Variants in LEPROTL1 observed in about 807,000 individuals in gnomAD.
LEPROTL1 encodes the protein leptin receptor overlapping transcript-like 1.
Under a neutral mutation model 15.4 loss-of-function variants are expected in LEPROTL1, and 6 were observed. The observed-to-expected ratio is 0.39, with a 90% CI of 0.21 to 0.77. The LOEUF is 0.77. Ranked by LOEUF, LEPROTL1 falls within the 30% of genes least tolerant of loss-of-function variation. The pLI, the probability that LEPROTL1 is intolerant of heterozygous loss-of-function variation, is 0.41. For missense variants in LEPROTL1, 128 were observed against 158.1 expected (o/e 0.81, Z 1.02); for synonymous variants, 56 against 52.6 (o/e 1.06, Z -0.28).
At chr8:30,136,007 T>G (rs754065211) in intron 4 of LEPROTL1, among the ~76,000 whole-genome samples, 9 of 152,000 alleles carry the variant, frequency 5.9e-5, no homozygotes, top group Non-Finnish European at 1.2e-4. Context: ...TTCTAACTGC[T>G]GCTGTTTCTA....
chr8:30,125,485 G>A (rs940304881), intron 3 of LEPROTL1, among the ~76,000 whole-genome samples: 1 of 152,178 alleles, frequency 6.6e-6, no homozygotes, highest in Non-Finnish European at 1.5e-5. Flanking sequence ...AGAACCTTGA[G>A]CACTCAGCAG....
intron 3 of LEPROTL1, among the ~76,000 whole-genome samples, chr8:30,120,483 AT>A (rs33917700): frequency 0.88 from 133,556 of 152,104 alleles, 59,773 homozygotes; most frequent in East Asian, 1. Flanking sequence ...ATATGTATAT[AT>A]TTTTTTAACT....
chr8:30,119,822 A>G (rs954442725), intron 3 of LEPROTL1, among the ~76,000 whole-genome samples: 8 of 152,152 alleles, frequency 5.3e-5, no homozygotes, highest in African/African-American at 1.7e-4. Flanking sequence ...TAATCCCAGC[A>G]CTTTGGGAGG....
chr8:30,117,802 A>G (rs16876504), intron 3 of LEPROTL1: 66,186 of 711,408 alleles, frequency 0.093, 3,673 homozygotes, highest in East Asian at 0.23. Context: ...GAAAGATGGC[A>G]GGAGGAGCAG....
exon 4 of LEPROTL1, chr8:30,132,458 G>A: frequency 6.4e-7 from 1 of 1,551,752 alleles, no homozygotes; most frequent in East Asian, 2.4e-5. Flanking sequence ...GCGTGGAGGA[G>A]GGAGTCGTCC....
intron 1 of LEPROTL1, among the ~76,000 whole-genome samples, chr8:30,098,519 G>A (rs886785068): frequency 6.6e-5 from 10 of 152,112 alleles, no homozygotes; most frequent in Non-Finnish European, 7.4e-5. Context: ...TCTAAGTTGC[G>A]TATAAATGGC....
intron 2 of LEPROTL1, among the ~76,000 whole-genome samples, chr8:30,103,939 C>T (rs779616285): frequency 2.8e-4 from 42 of 152,106 alleles, no homozygotes; most frequent in Admixed American, 6.6e-4. Context: ...CCTGTACCCT[C>T]CACACAGCCT....
intron 4 of LEPROTL1, chr8:30,132,816 T>C: frequency 6.4e-7 from 1 of 1,551,774 alleles, no homozygotes. Context: ...AGCCTCCAGA[T>C]GCTGCCTTCA....
At chr8:30,114,687 G>A (rs904744904) in intron 3 of LEPROTL1, among the ~76,000 whole-genome samples, 5 of 152,206 alleles carry the variant, frequency 3.3e-5, no homozygotes, top group African/African-American at 1.2e-4. Flanking sequence ...GATGGGCTCA[G>A]TTATGCTTCA....
At chr8:30,137,241 C>T in intron 4 of LEPROTL1, 1 of 1,488,472 alleles carries the variant, frequency 6.7e-7, no homozygotes. Flanking sequence ...CTTCTCTAGA[C>T]TGTAATTAGC....
At chr8:30,113,160 C>T (rs941869216), downstream of LEPROTL1, among the ~76,000 whole-genome samples, 11 of 151,610 alleles carry the variant, frequency 7.3e-5, no homozygotes, top group African/African-American at 2.7e-4. Flanking sequence ...ACTGTAATCC[C>T]AGCTACTCCG....
At chr8:30,138,220 C>T (rs528524684), downstream of LEPROTL1, 23 of 222,550 alleles carry the variant, frequency 1.0e-4, no homozygotes, top group African/African-American at 4.4e-4. Flanking sequence ...GCCTGTCTCC[C>T]GCACAGCCAG....
At chr8:30,133,926 C>T (rs1211996111) in intron 4 of LEPROTL1, among the ~76,000 whole-genome samples, 1 of 151,802 alleles carries the variant, frequency 6.6e-6, no homozygotes, top group East Asian at 1.9e-4. Flanking sequence ...TGTCTGATAA[C>T]AAAAACTACC....
chr8:30,133,780 C>T (rs1156753083), intron 4 of LEPROTL1, among the ~76,000 whole-genome samples: 9 of 107,526 alleles, frequency 8.4e-5, no homozygotes, highest in Non-Finnish European at 1.8e-4. Flanking sequence ...CCAAGTGAGA[C>T]CCTGTCTCAA....
chr8:30,112,198 A>G (rs1269703485), downstream of LEPROTL1, among the ~76,000 whole-genome samples: 2 of 152,050 alleles, frequency 1.3e-5, no homozygotes, highest in Non-Finnish European at 2.9e-5. Flanking sequence ...TTGCCAAACA[A>G]AACACTATTC....
chr8:30,134,413 C>T (rs1190380036), intron 4 of LEPROTL1, among the ~76,000 whole-genome samples: 1 of 150,530 alleles, frequency 6.6e-6, no homozygotes, highest in East Asian at 1.9e-4. Context: ...TAGAGCGAGA[C>T]TGCATCTCAA....
intron 3 of LEPROTL1, among the ~76,000 whole-genome samples, chr8:30,125,462 C>T (rs1047877760): frequency 2.6e-5 from 4 of 152,190 alleles, no homozygotes; most frequent in Admixed American, 6.5e-5. Flanking sequence ...TAGGAAATGC[C>T]GGGTGTTTAT....
chr8:30,096,202 T>TTTTTTTCC (rs1802363244), intron 1 of LEPROTL1: 1 of 166 alleles, frequency 6.0e-3, no homozygotes, highest in Non-Finnish European at 0.019. Context: ...CTTTTTTTCC[T>TTTTTTTCC]TTTTTTTTTT....
intron 3 of LEPROTL1, among the ~76,000 whole-genome samples, chr8:30,115,860 C>A (rs967336520): frequency 6.6e-6 from 1 of 151,948 alleles, no homozygotes; most frequent in African/African-American, 2.4e-5. Context: ...TTATAATACC[C>A]AGGTAGTACA....
Sources: gnomAD v4.1 joint callset for allele counts (sites outside exome capture counted in the v4.1 genomes callset) on GRCh38, gnomAD v4.1.1 for gene constraint, MANE v1.5 for transcripts, NCBI Gene and HGNC (gene_info 2026-07-23, HGNC 2026-07-21) for gene names.